Variants in ITPR1 observed in about 807,000 individuals in gnomAD.
The protein encoded by ITPR1 is inositol 1,4,5-trisphosphate receptor type 1.
A neutral mutation model predicts 318.4 loss-of-function variants in ITPR1; 96 were observed. That is an observed-to-expected ratio of 0.30 (90% confidence interval 0.26 to 0.36). The LOEUF (loss-of-function observed/expected upper bound fraction) is 0.36. ITPR1 is among the 10% of genes least tolerant of loss of function. ITPR1 has a pLI of 1.00. For missense variants in ITPR1, 2,440 were observed against 3,460.2 expected, an observed-to-expected ratio of 0.71 and a Z score of 7.40; for synonymous variants, 1,312 against 1,289.9, an observed-to-expected ratio of 1.02 and a Z score of -0.37.
rs978478477 is a variant in ITPR1, at chr3:4,684,302, A to C, written c.3520A>C (p.Lys1174Gln). 6.2e-7 allele frequency: 1 copy of C among 1,612,836 alleles called. No homozygotes were observed. The highest frequency in any genetic ancestry group is 8.5e-7 in the Non-Finnish European group (1 of 1,179,240). The change falls in exon 29 of 62, where the codon AAG (lysine) becomes CAG (glutamine). Residue 1174 changes from lysine (K) to glutamine (Q), a missense_variant. This residue lies in a region of ITPR1 where 86 missense variants were observed against 75.6 expected (regional missense o/e 1.14). Coordinates refer to ENST00000649015, the MANE Select transcript of ITPR1 (RefSeq NM_001378452.1). ...KTEEGNNKPQ[K>Q]HESTSSYNYR... ...CTAGGAGGGAAATAACAAGCCACAA[A>C]AGCATGAAAGCACCAGCAGCTACAA...
intron 44 of ITPR1, among the ~76,000 whole-genome samples, chr3:4,757,741 G>A (rs992887286): frequency 6.6e-6 from 1 of 152,172 alleles, no homozygotes; most frequent in Non-Finnish European, 1.5e-5. Flanking sequence ...CATATAAAGC[G>A]CTTAGCGCCC....
chr3:4,809,732 A>C (rs1461025584), intron 55 of ITPR1, among the ~76,000 whole-genome samples: 2 of 152,184 alleles, frequency 1.3e-5, no homozygotes, highest in African/African-American at 4.8e-5. Flanking sequence ...AAAAGGAAAA[A>C]ATCGCTTGTC....
Position 4,658,206 on chromosome 3 carries a change from A to C in ITPR1, c.1079A>C (p.Glu360Ala). Residue 360 changes from glutamate (E) to alanine (A), a missense_variant, in exon 13 of 62, where the codon GAA becomes GCA. Transcript: ENST00000649015. ...GTATACTCCCTGGTCTCTGTGCCTG[A>C]AGGCAATGACATCTCCTCCATTTTC... ...KMVYSLVSVP[E>A]GNDISSIFEL... 6.2e-7 allele frequency: 1 copy of C among 1,613,492 alleles called. No homozygotes were observed. The highest frequency in any genetic ancestry group is 8.5e-7 in the Non-Finnish European group (1 of 1,179,508).
chr3:4,644,698 G>A (rs1480544364), intron 8 of ITPR1, among the ~76,000 whole-genome samples: 1 of 152,146 alleles, frequency 6.6e-6, no homozygotes, highest in Non-Finnish European at 1.5e-5. Context: ...TAGGATGCAA[G>A]GATGTTACTT....
At chr3:4,561,702 A>T (rs866254638) in intron 4 of ITPR1, among the ~76,000 whole-genome samples, 2 of 152,140 alleles carry the variant, frequency 1.3e-5, no homozygotes, top group African/African-American at 4.8e-5. Flanking sequence ...TAATCGTAGC[A>T]TTGGTTTGTA....
rs754139433 is a variant in ITPR1 at position 4,818,062 on chromosome 3, G to A, written c.7868-20G>A. The A allele has an allele frequency of 8.1e-5, 128 of 1,582,986 alleles. No homozygotes were observed. The highest frequency in any genetic ancestry group is 1.9e-4 in the Admixed American group (11 of 58,194). ...CAAGGCTGCTCAGCTGGGGCTGGGG[G>A]CTTTTTGTCTCATTTTTAGGCTTGG... On this transcript the variant is annotated intron_variant, in intron 59 of 61. Coordinates refer to ENST00000649015, the MANE Select transcript of ITPR1 (RefSeq NM_001378452.1).
chr3:4,699,671 A>G (rs1353818446), intron 34 of ITPR1, 142 bp from the exon 35 acceptor site: 1 of 667,868 alleles, frequency 1.5e-6, no homozygotes, highest in Non-Finnish European at 2.5e-6. Flanking sequence ...TTTTATTATT[A>G]TGATTCCTTA....
intron 4 of ITPR1, among the ~76,000 whole-genome samples, chr3:4,610,407 TC>T (rs1575707717): frequency 6.6e-6 from 1 of 151,754 alleles, no homozygotes; most frequent in East Asian, 1.9e-4. Context: ...AGTCTGCTCT[TC>T]CTTTGTGTAG....
chr3:4,783,833 A>G lies in ITPR1; in HGVS notation c.6528A>G (p.Lys2176=). The change falls in exon 51 of 62, where the codon AAA becomes AAG. Residue 2176 remains lysine (K), a synonymous_variant. Coordinates refer to ENST00000649015, the MANE Select transcript of ITPR1 (RefSeq NM_001378452.1). ...TATTCTAGTTGGCTCGGCATAACAA[A>G]GAACTTCAGAGCATGCTGAAACCTG... The part of the protein sequence containing the change: ...ILAHQLARHN[K]ELQSMLKPGG... 1 of 1,606,382 alleles carries G rather than the reference A, an allele frequency of 6.2e-7. No homozygotes were observed. The highest frequency in any genetic ancestry group is 8.5e-7 in the Non-Finnish European group (1 of 1,176,474).
chr3:4,630,065 A>T (rs936628244), intron 5 of ITPR1, among the ~76,000 whole-genome samples: 4 of 152,248 alleles, frequency 2.6e-5, no homozygotes, highest in Non-Finnish European at 5.9e-5. Flanking sequence ...CATAAATAAT[A>T]GATACCAATT....
intron 43 of ITPR1, among the ~76,000 whole-genome samples, chr3:4,734,918 T>A (rs2125320746): frequency 6.6e-6 from 1 of 152,348 alleles, no homozygotes; most frequent in East Asian, 1.9e-4. Flanking sequence ...AATGTATCAT[T>A]CTTTTTTCAT....
At position 4,645,437 on chromosome 3, in the gene ITPR1, A is replaced by G; in HGVS notation, c.675A>G (p.Lys225=). 1 of 1,613,534 alleles carries G rather than the reference A, an allele frequency of 6.2e-7. No homozygotes were observed. The highest frequency in any genetic ancestry group is 1.1e-5 in the South Asian group (1 of 91,018). Residue 225 remains lysine (K), a synonymous_variant, in exon 9 of 62, where the codon AAA becomes AAG. Transcript: ENST00000649015. The part of the protein sequence containing the change: ...NTSWKIVLFM[K]WSDNKDDILK... ...GCTGGAAAATAGTCCTTTTCATGAA[A>G]TGGAGTGATAACAAAGACGACATAT...
intron 56 of ITPR1, among the ~76,000 whole-genome samples, chr3:4,812,817 G>A (rs966561704): frequency 6.6e-5 from 10 of 152,158 alleles, no homozygotes; most frequent in Admixed American, 2.6e-4. Context: ...AATGCTTCTC[G>A]TGCAGACTTG....
intron 44 of ITPR1, among the ~76,000 whole-genome samples, chr3:4,755,184 T>A (rs1015474524): frequency 6.6e-6 from 1 of 151,626 alleles, no homozygotes; most frequent in Admixed American, 6.6e-5. Context: ...TTTTTTTTTT[T>A]TTTTTTAGGA....
chr3:4,726,731 G>A (rs1442856830), intron 41 of ITPR1, among the ~76,000 whole-genome samples: 1 of 152,216 alleles, frequency 6.6e-6, no homozygotes, highest in Non-Finnish European at 1.5e-5. Flanking sequence ...GTGTCTTGAT[G>A]TCCTTATGCA....
intron 60 of ITPR1, among the ~76,000 whole-genome samples, chr3:4,823,498 T>C (rs1279440796): frequency 1.3e-5 from 2 of 152,174 alleles, no homozygotes; most frequent in African/African-American, 4.8e-5. Context: ...AATCCTGTCA[T>C]TTGCAGCAAC....
At chr3:4,673,487 G>T in intron 21 of ITPR1, 100 bp downstream of exon 21, 4 of 1,226,812 alleles carry the variant, frequency 3.3e-6, no homozygotes, top group Non-Finnish European at 4.3e-6. Context: ...TGAAGTGTTG[G>T]TTTTTTCTTC....
intron 2 of ITPR1, among the ~76,000 whole-genome samples, chr3:4,498,445 TAGGAGTTC>T (rs1009171911): frequency 1.3e-5 from 2 of 152,074 alleles, no homozygotes; most frequent in Non-Finnish European, 2.9e-5. Context: ...GGGAGAGTGC[TAGGAGTTC>T]AGGAGGGAGA....
At chr3:4,777,441 C>T (rs2125390034) in intron 48 of ITPR1, 67 bp downstream of exon 48, 2 of 909,668 alleles carry the variant, frequency 2.2e-6, no homozygotes, top group Non-Finnish European at 3.5e-6. Context: ...TGCCTTGGCA[C>T]ATGCACATGG....
Sources: gnomAD v4.1 joint callset for allele counts (sites outside exome capture counted in the v4.1 genomes callset) on GRCh38, gnomAD v4.1.1 for gene constraint, gnomAD v4.1.1 regional missense constraint, MANE v1.5 for transcripts, NCBI Gene and HGNC (gene_info 2026-07-23, HGNC 2026-07-21) for gene names.